CENPW: variants seen among roughly 807,000 people sequenced by gnomAD.
CENPW encodes cancer-up-regulated gene 2 protein.
A neutral mutation model predicts 11.1 loss-of-function variants in CENPW; 3 were observed. The observed-to-expected ratio is 0.27, with a 90% CI of 0.12 to 0.70. The LOEUF is 0.70. Ranked by LOEUF, CENPW falls within the 30% of genes least tolerant of loss-of-function variation. The pLI, the probability that CENPW is intolerant of heterozygous loss-of-function variation, is 0.77. For missense variants in CENPW, 100 were observed against 105.6 expected (o/e 0.95, Z 0.23); for synonymous variants, 38 against 42.0 (o/e 0.91, Z 0.37).
the CENPW span, among the ~76,000 whole-genome samples, chr6:126,478,004 C>T: frequency 6.6e-5 from 10 of 152,162 alleles, no homozygotes; most frequent in African/African-American, 2.4e-4. Flanking sequence ...TCTTGCCTAA[C>T]TTGACCTAAG....
At chr6:126,368,943 C>G in the CENPW span, among the ~76,000 whole-genome samples, 1 of 152,060 alleles carries the variant, frequency 6.6e-6, no homozygotes, top group African/African-American at 2.4e-5. Context: ...CACCCTCCTC[C>G]CACCCTTTCC....
chr6:126,451,172 A>T, the CENPW span, among the ~76,000 whole-genome samples: 1 of 151,020 alleles, frequency 6.6e-6, no homozygotes, highest in Non-Finnish European at 1.5e-5. Flanking sequence ...CTACATCTTT[A>T]TTTTAAAATT....
At chr6:126,392,841 C>G in the CENPW span, among the ~76,000 whole-genome samples, 3 of 151,844 alleles carry the variant, frequency 2.0e-5, no homozygotes, top group African/African-American at 4.8e-5. Flanking sequence ...TGCTCTTTCT[C>G]TATTTCTCAG....
chr6:126,359,592 C>A, the CENPW span, among the ~76,000 whole-genome samples: 5 of 151,988 alleles, frequency 3.3e-5, no homozygotes, highest in African/African-American at 1.2e-4. Flanking sequence ...TTTTTTGAAT[C>A]TGGGTGCCCT....
the CENPW span, among the ~76,000 whole-genome samples, chr6:126,430,429 C>T: frequency 2.6e-5 from 4 of 152,086 alleles, no homozygotes; most frequent in African/African-American, 9.7e-5. Context: ...ATAAAAAAGA[C>T]ATATATATAC....
At chr6:126,478,828 C>A in the CENPW span, among the ~76,000 whole-genome samples, 1 of 151,970 alleles carries the variant, frequency 6.6e-6, no homozygotes, top group South Asian at 2.1e-4. Flanking sequence ...TTCTTACTCT[C>A]TTATCTGGAC....
the CENPW span, among the ~76,000 whole-genome samples, chr6:126,459,265 A>G: frequency 9.9e-5 from 15 of 151,526 alleles, no homozygotes; most frequent in East Asian, 2.7e-3. Context: ...ACAATTTGCT[A>G]GAGAGTCTAT....
At chr6:126,458,720 C>T in the CENPW span, among the ~76,000 whole-genome samples, 8 of 151,174 alleles carry the variant, frequency 5.3e-5, no homozygotes, top group Admixed American at 5.3e-4. Context: ...GGAGGTCTGC[C>T]TGGAGAAAGG....
At chr6:126,341,783 T>C (rs528096640) in intron 1 of CENPW, among the ~76,000 whole-genome samples, 4 of 152,274 alleles carry the variant, frequency 2.6e-5, no homozygotes, top group African/African-American at 9.6e-5. Flanking sequence ...ATCAAAGATA[T>C]CCAAGAGACC....
At chr6:126,358,967 G>A in the CENPW span, among the ~76,000 whole-genome samples, 3 of 151,282 alleles carry the variant, frequency 2.0e-5, no homozygotes, top group Non-Finnish European at 4.4e-5. Flanking sequence ...CTTTGGGGTT[G>A]GTTTCACTTT....
At chr6:126,469,339 G>T in the CENPW span, among the ~76,000 whole-genome samples, 7 of 152,218 alleles carry the variant, frequency 4.6e-5, no homozygotes, top group South Asian at 1.2e-3. Context: ...TTATGAAGAA[G>T]GCACCTGCTT....
the CENPW span, among the ~76,000 whole-genome samples, chr6:126,429,397 G>A: frequency 1.3e-5 from 2 of 152,096 alleles, no homozygotes; most frequent in African/African-American, 4.8e-5. Flanking sequence ...TGGGTCTTGG[G>A]GGTGGATTCC....
chr6:126,376,442 C>G, the CENPW span, among the ~76,000 whole-genome samples: 2 of 152,044 alleles, frequency 1.3e-5, no homozygotes, highest in Non-Finnish European at 2.9e-5. Context: ...AGGACATACC[C>G]CTAATACGGA....
At chr6:126,364,501 T>C in the CENPW span, among the ~76,000 whole-genome samples, 1 of 152,162 alleles carries the variant, frequency 6.6e-6, no homozygotes, top group Admixed American at 6.5e-5. Flanking sequence ...TCCAGAGAAC[T>C]ATCAATATAT....
the CENPW span, among the ~76,000 whole-genome samples, chr6:126,462,287 C>A: frequency 6.6e-6 from 1 of 151,926 alleles, no homozygotes; most frequent in East Asian, 1.9e-4. Flanking sequence ...TCCTGTCATG[C>A]CACTTTACTT....
chr6:126,420,388 T>C, the CENPW span, among the ~76,000 whole-genome samples: 2 of 151,746 alleles, frequency 1.3e-5, no homozygotes, highest in Non-Finnish European at 2.9e-5. Flanking sequence ...AGACACATTT[T>C]AAAAAAAATG....
the CENPW span, among the ~76,000 whole-genome samples, chr6:126,444,332 T>G: frequency 1.9e-4 from 29 of 151,040 alleles, no homozygotes; most frequent in Non-Finnish European, 4.2e-4. Context: ...TGTTTGATTT[T>G]GCTTGCCTTT....
the CENPW span, among the ~76,000 whole-genome samples, chr6:126,408,571 C>A: frequency 6.6e-6 from 1 of 151,908 alleles, no homozygotes. Context: ...ACCATATCAA[C>A]CCCTTTCTTA....
the CENPW span, among the ~76,000 whole-genome samples, chr6:126,444,575 T>G: frequency 6.6e-6 from 1 of 151,168 alleles, no homozygotes; most frequent in Non-Finnish European, 1.5e-5. Context: ...TCCCTTTCTT[T>G]ACAAATATTC....
Sources: gnomAD v4.1 joint callset for allele counts (sites outside exome capture counted in the v4.1 genomes callset) on GRCh38, gnomAD v4.1.1 for gene constraint, MANE v1.5 for transcripts, NCBI Gene and HGNC (gene_info 2026-07-23, HGNC 2026-07-21) for gene names.